Variants in TOX observed in about 807,000 individuals in gnomAD.
TOX encodes thymocyte selection associated high mobility group box.
TOX carries 11 observed loss-of-function variants against 53.7 expected under a neutral mutation model. The observed-to-expected ratio is 0.20, with a 90% CI of 0.13 to 0.34. The LOEUF (loss-of-function observed/expected upper bound fraction) is 0.34, where lower values mean the gene tolerates loss of function less well. Among genes scored for constraint, TOX ranks in the 10% least tolerant of loss-of-function variants. The pLI, the probability that TOX is intolerant of heterozygous loss-of-function variation, is 1.00. For missense variants in TOX, 570 were observed against 664.6 expected, an observed-to-expected ratio of 0.86 and a Z score of 1.56; for synonymous variants, 225 against 245.3, an observed-to-expected ratio of 0.92 and a Z score of 0.77.
intron 3 of TOX, among the ~76,000 whole-genome samples, chr8:58,921,063 A>C (rs1812065466): frequency 7.0e-6 from 1 of 142,830 alleles, no homozygotes. Flanking sequence ...ATGTGGAGAC[A>C]CGGAGTTAAG....
At chr8:59,096,594 A>C (rs1377811271) in intron 1 of TOX, among the ~76,000 whole-genome samples, 1 of 152,176 alleles carries the variant, frequency 6.6e-6, no homozygotes, top group Non-Finnish European at 1.5e-5. Flanking sequence ...ATCCACAACA[A>C]AGGTAATTTG....
At chr8:58,958,113 C>G (rs761213243) in intron 2 of TOX, among the ~76,000 whole-genome samples, 9 of 152,098 alleles carry the variant, frequency 5.9e-5, no homozygotes, top group Non-Finnish European at 1.3e-4. Context: ...GGATCACAAG[C>G]CTGCCCTATC....
intron 1 of TOX, among the ~76,000 whole-genome samples, chr8:58,960,320 C>A (rs957465009): frequency 6.6e-6 from 1 of 152,064 alleles, no homozygotes; most frequent in Admixed American, 6.5e-5. Context: ...ATTTTGCACG[C>A]CATGTATACA....
intron 1 of TOX, among the ~76,000 whole-genome samples, chr8:59,061,887 G>A (rs1180229423): frequency 6.6e-6 from 1 of 152,022 alleles, no homozygotes; most frequent in Non-Finnish European, 1.5e-5. Flanking sequence ...GGGGAGTGAC[G>A]CCCCTCCATC....
chr8:59,036,570 C>T (rs912933687), intron 1 of TOX, among the ~76,000 whole-genome samples: 2 of 152,226 alleles, frequency 1.3e-5, no homozygotes, highest in Non-Finnish European at 2.9e-5. Context: ...CTCTACCCAA[C>T]AGTTAATCTA....
chr8:58,987,150 T>C (rs1186165218), intron 1 of TOX, among the ~76,000 whole-genome samples: 1 of 152,210 alleles, frequency 6.6e-6, no homozygotes, highest in Admixed American at 6.5e-5. Context: ...GGGGTAGTTA[T>C]TTGACTCTAG....
chr8:58,836,977 A>G (rs191494198), intron 5 of TOX, among the ~76,000 whole-genome samples: 1 of 152,214 alleles, frequency 6.6e-6, no homozygotes, highest in African/African-American at 2.4e-5. Context: ...TTTGGGTAAT[A>G]ATTTCCCTGT....
intron 3 of TOX, among the ~76,000 whole-genome samples, chr8:58,910,293 T>C (rs147523769): frequency 1.2e-3 from 182 of 152,288 alleles, no homozygotes; most frequent in African/African-American, 4.1e-3. Context: ...CTACTTTGGA[T>C]TTTCCGCATT....
At chr8:59,038,739 A>C (rs1437322675) in intron 1 of TOX, among the ~76,000 whole-genome samples, 1 of 152,250 alleles carries the variant, frequency 6.6e-6, no homozygotes. Context: ...GGGCTGGTGC[A>C]CTACCCCCAC....
intron 1 of TOX, among the ~76,000 whole-genome samples, chr8:58,988,637 G>T (rs1813382764): frequency 6.6e-6 from 1 of 152,112 alleles, no homozygotes; most frequent in South Asian, 2.1e-4. Context: ...TGATAAAATG[G>T]GCTCAATAGG....
intron 3 of TOX, among the ~76,000 whole-genome samples, chr8:58,903,852 A>G (rs1224088197): frequency 1.3e-5 from 2 of 152,186 alleles, no homozygotes; most frequent in Non-Finnish European, 2.9e-5. Flanking sequence ...AATATATAAT[A>G]TCAGATCCAG....
chr8:59,045,307 C>G (rs906674769), intron 1 of TOX, among the ~76,000 whole-genome samples: 3 of 152,126 alleles, frequency 2.0e-5, no homozygotes, highest in African/African-American at 7.2e-5. Context: ...AGAGTTTCAC[C>G]TTTGATAGCA....
rs1813610551 is a variant in TOX, at chr8:58,998,514, T to TATATATAA, written c.103-38507_103-38506insTTATATAT. Among the ~76,000 whole-genome samples, 6 of 112,360 alleles carry TATATATAA rather than the reference T, an allele frequency of 5.3e-5. 1 individual carries two copies. Among genetic ancestry groups the TATATATAA allele is most frequent in the Admixed American group, 8.6e-5 (1 of 11,576 alleles). The allele number at this position is 112,360 out of a possible 152,430, so 73.7% of individuals were successfully genotyped here. ...AAAAGTATATATATATATATATATA[T>TATATATAA]ATATATATATATATATATATATATA... On this transcript the variant is annotated intron_variant, in intron 1 of 8. Coordinates refer to ENST00000361421, the MANE Select transcript of TOX (RefSeq NM_014729.3).
At chr8:58,834,977 A>G (rs1810522496) in intron 5 of TOX, among the ~76,000 whole-genome samples, 1 of 152,164 alleles carries the variant, frequency 6.6e-6, no homozygotes. Context: ...TAGTCATCCC[A>G]AGGCCTTGTT....
intron 3 of TOX, among the ~76,000 whole-genome samples, chr8:58,878,317 A>G (rs1232820384): frequency 4.6e-5 from 7 of 152,206 alleles, no homozygotes; most frequent in Non-Finnish European, 8.8e-5. Flanking sequence ...AATGTTCTTT[A>G]GGTAATATGC....
intron 4 of TOX, among the ~76,000 whole-genome samples, chr8:58,842,994 T>C (rs1810669764): frequency 6.6e-6 from 1 of 152,230 alleles, no homozygotes; most frequent in Non-Finnish European, 1.5e-5. Context: ...ACATCATTTA[T>C]GCATTATAGA....
intron 3 of TOX, among the ~76,000 whole-genome samples, chr8:58,914,979 T>C (rs1254940503): frequency 2.0e-5 from 3 of 151,676 alleles, no homozygotes; most frequent in South Asian, 2.1e-4. Context: ...CACCCGAATA[T>C]TGCGCTTTTC....
At chr8:59,071,782 A>G (rs1804201386) in intron 1 of TOX, among the ~76,000 whole-genome samples, 1 of 152,194 alleles carries the variant, frequency 6.6e-6, no homozygotes, top group African/African-American at 2.4e-5. Context: ...ATATCTACTC[A>G]TCGAGTAGCT....
chr8:59,029,229 C>T (rs1381885012), intron 1 of TOX, among the ~76,000 whole-genome samples: 1 of 151,126 alleles, frequency 6.6e-6, no homozygotes, highest in Non-Finnish European at 1.5e-5. Context: ...CCCCACCCAC[C>T]CCCCATCCCC....
Sources: gnomAD v4.1 joint callset for allele counts (sites outside exome capture counted in the v4.1 genomes callset) on GRCh38, gnomAD v4.1.1 for gene constraint, MANE v1.5 for transcripts, NCBI Gene and HGNC (gene_info 2026-07-23, HGNC 2026-07-21) for gene names.